IFT80: variants seen among roughly 807,000 people sequenced by gnomAD.
The protein encoded by IFT80 is intraflagellar transport protein 80 homolog.
Under a neutral mutation model 107.9 loss-of-function variants are expected in IFT80, and 79 were observed. That is an observed-to-expected ratio of 0.73 (90% CI 0.61 to 0.88). The LOEUF (loss-of-function observed/expected upper bound fraction) is 0.88, where lower values mean the gene tolerates loss of function less well. Among genes scored for constraint, IFT80 ranks in the 40% least tolerant of loss-of-function variants. IFT80 has a pLI of 0.00. For missense variants in IFT80, 797 were observed against 914.2 expected, an observed-to-expected ratio of 0.87 and a Z score of 1.65; for synonymous variants, 299 against 300.9, an observed-to-expected ratio of 0.99 and a Z score of 0.07.
At chr3:160,312,684 A>G (rs1488754937) in intron 9 of IFT80, among the ~76,000 whole-genome samples, 1 of 54,116 alleles carries the variant, frequency 1.8e-5, no homozygotes, top group Non-Finnish European at 3.1e-5. Flanking sequence ...TATAATAAAT[A>G]TATATTATAT....
In IFT80 at chr3:160,319,796, A is replaced by T; in HGVS notation, c.921T>A (p.Asn307Lys). The change falls in exon 9 of 20, where the codon AAT (asparagine) becomes AAA (lysine). Residue 307 changes from asparagine to lysine, a missense_variant. Transcript: ENST00000326448. Reference protein sequence around the residue: ...HVVEQHWEWKNFQVTLTKRRA... With the variant: ...HVVEQHWEWKKFQVTLTKRRA... ...TTCTTTTCGTTAATGTTACTTGAAA[A>T]TTTTTCCACTCCCAATGTTGTTCCA... 6.2e-7 allele frequency: 1 copy of T among 1,612,922 alleles called. No individual in the cohort carries two copies. The highest frequency in any genetic ancestry group is 2.2e-5 in the East Asian group (1 of 44,864).
At chr3:160,304,433 T>C (rs1215876507) in intron 10 of IFT80, among the ~76,000 whole-genome samples, 1 of 148,430 alleles carries the variant, frequency 6.7e-6, no homozygotes, top group Non-Finnish European at 1.5e-5. Context: ...ACTTGATTTT[T>C]TCTTTTTTTT....
chr3:160,359,870 A>C (rs997762373), intron 6 of IFT80, among the ~76,000 whole-genome samples: 1 of 152,226 alleles, frequency 6.6e-6, no homozygotes, highest in Non-Finnish European at 1.5e-5. Flanking sequence ...CAAAGACCAA[A>C]GGTAGATAAA....
rs114865377 is a variant in IFT80, at chr3:160,271,960, A to G, written c.2100-3424T>C. 5.7e-3 allele frequency among the ~76,000 whole-genome samples: 874 copies of G among 152,084 alleles called. 15 individuals carry two copies. Among genetic ancestry groups the G allele is most frequent in the African/African-American group, 0.02 (816 of 41,538 alleles). On this transcript the variant is annotated intron_variant, in intron 18 of 19. Transcript: ENST00000326448. ...TCTTATCAAAAAAAAAAAAACCTAA[A>G]TCTAATCAAGTTCCTAGATTCAACA...
intron 8 of IFT80, among the ~76,000 whole-genome samples, chr3:160,334,512 G>A (rs1026998468): frequency 6.6e-6 from 1 of 151,842 alleles, no homozygotes; most frequent in Non-Finnish European, 1.5e-5. Flanking sequence ...CGCCTCCCAG[G>A]TTCAAGCAAT....
chr3:160,345,340 G>T (rs1029351970), intron 8 of IFT80, among the ~76,000 whole-genome samples: 2 of 152,142 alleles, frequency 1.3e-5, no homozygotes, highest in Non-Finnish European at 1.5e-5. Flanking sequence ...GGTACAGAAA[G>T]ACAAATATTG....
At chr3:160,258,973 T>C (rs1712585332) in intron 19 of IFT80, among the ~76,000 whole-genome samples, 1 of 151,924 alleles carries the variant, frequency 6.6e-6, no homozygotes, top group Admixed American at 6.6e-5. Context: ...CTGGGTGTGG[T>C]GGCACACACC....
chr3:160,388,932 G>A (rs1175425765), intron 1 of IFT80, among the ~76,000 whole-genome samples: 5 of 152,176 alleles, frequency 3.3e-5, no homozygotes, highest in Non-Finnish European at 7.3e-5. Flanking sequence ...GAAAGGGCCA[G>A]AAAACAAATT....
chr3:160,288,062 A>G (rs1715232473), intron 12 of IFT80, among the ~76,000 whole-genome samples: 1 of 152,204 alleles, frequency 6.6e-6, no homozygotes, highest in Non-Finnish European at 1.5e-5. Context: ...AATACAGCGC[A>G]GTCTGGGCGC....
At chr3:160,288,458 G>A (rs1424724178) in intron 12 of IFT80, among the ~76,000 whole-genome samples, 1 of 152,186 alleles carries the variant, frequency 6.6e-6, no homozygotes, top group Non-Finnish European at 1.5e-5. Context: ...GATGCCAAAA[G>A]CAATCGCAAC....
At chr3:160,348,017 A>G (rs2108347219) in intron 8 of IFT80, among the ~76,000 whole-genome samples, 1 of 152,332 alleles carries the variant, frequency 6.6e-6, no homozygotes, top group South Asian at 2.1e-4. Flanking sequence ...CTAATACCAT[A>G]TAAACAAAGC....
chr3:160,339,542 G>C (rs1719736060), intron 8 of IFT80, among the ~76,000 whole-genome samples: 1 of 152,062 alleles, frequency 6.6e-6, no homozygotes, highest in Non-Finnish European at 1.5e-5. Context: ...TCCAAAATGT[G>C]GTAAGGTTTT....
At chr3:160,309,217 A>T (rs1295077849) in intron 9 of IFT80, among the ~76,000 whole-genome samples, 1 of 152,220 alleles carries the variant, frequency 6.6e-6, no homozygotes, top group African/African-American at 2.4e-5. Context: ...AAAACTATAA[A>T]ATAACATATG....
Position 160,307,796 on chromosome 3 carries a change from A to G in IFT80, c.958-15T>C, listed in dbSNP as rs749593628. 3 of 1,238,686 alleles carry G rather than the reference A, an allele frequency of 2.4e-6. No individual in the cohort carries two copies. The South Asian group carries it at 3.6e-5, about 15-fold the overall frequency. The allele number at this position is 1,238,686 out of a possible 1,614,324, so 76.7% of individuals were successfully genotyped here. ...ACATTACGAACCTAAACAAGGAAAA[A>G]TAAAATACCAATAAACATTATAACA... On this transcript the variant is annotated splice_polypyrimidine_tract_variant and intron_variant, in intron 9 of 19. Coordinates refer to ENST00000326448, the MANE Select transcript of IFT80 (RefSeq NM_020800.3).
intron 9 of IFT80, among the ~76,000 whole-genome samples, chr3:160,314,356 T>C (rs1717631003): frequency 6.6e-6 from 1 of 152,162 alleles, no homozygotes; most frequent in South Asian, 2.1e-4. Context: ...TCCTAGGCAC[T>C]TCCTTCTAAC....
At chr3:160,283,187 C>A (rs1714825777) in intron 13 of IFT80, among the ~76,000 whole-genome samples, 1 of 152,108 alleles carries the variant, frequency 6.6e-6, no homozygotes, top group Admixed American at 6.6e-5. Context: ...TCAGAAAAAG[C>A]CAGTGTCAAG....
At chr3:160,395,605 T>C (rs1362544910) in intron 1 of IFT80, among the ~76,000 whole-genome samples, 1 of 152,140 alleles carries the variant, frequency 6.6e-6, no homozygotes, top group Non-Finnish European at 1.5e-5. Flanking sequence ...AAACTCTCAT[T>C]CCCCCTTGGA....
chr3:160,375,466 T>C (rs987456917), intron 5 of IFT80, among the ~76,000 whole-genome samples: 7 of 152,180 alleles, frequency 4.6e-5, no homozygotes, highest in African/African-American at 7.2e-5. Context: ...TTTCGTACTA[T>C]GATTTACTTA....
At chr3:160,315,974 C>T (rs1453695175) in intron 9 of IFT80, among the ~76,000 whole-genome samples, 3 of 152,056 alleles carry the variant, frequency 2.0e-5, no homozygotes, top group African/African-American at 7.2e-5. Context: ...TAAGGTGACT[C>T]CCAATGATCC....
Sources: gnomAD v4.1 joint callset for allele counts (sites outside exome capture counted in the v4.1 genomes callset) on GRCh38, gnomAD v4.1.1 for gene constraint, MANE v1.5 for transcripts, NCBI Gene and HGNC (gene_info 2026-07-23, HGNC 2026-07-21) for gene names.